GRSF1: variants seen among roughly 807,000 people sequenced by gnomAD.
GRSF1 encodes the protein G-rich RNA sequence binding factor 1, also known as G-rich sequence factor 1.
GRSF1 carries 50 observed loss-of-function variants against 51.1 expected under a neutral mutation model. The observed-to-expected ratio is 0.98, with a 90% CI of 0.78 to 1.24. GRSF1 has a LOEUF of 1.24. Among genes scored for constraint, GRSF1 ranks in the 50% most tolerant of loss-of-function variants. The pLI is 0.00. For synonymous variants in GRSF1, 293 were observed against 253.3 expected, an observed-to-expected ratio of 1.16 and a Z score of -1.49; for missense variants, 700 against 639.7, an observed-to-expected ratio of 1.09 and a Z score of -1.02.
chr4:70,834,885 A>G (rs1285829985), intron 2 of GRSF1, among the ~76,000 whole-genome samples: 4 of 151,998 alleles, frequency 2.6e-5, no homozygotes, highest in African/African-American at 7.2e-5. Flanking sequence ...GGCCTCCCAA[A>G]GTGCTGGGAT....
intron 7 of GRSF1, 192 bp downstream of exon 7, chr4:70,825,932 A>C: frequency 2.1e-6 from 1 of 477,722 alleles, no homozygotes; most frequent in Non-Finnish European, 3.6e-6. Flanking sequence ...ACTCTGTCAC[A>C]AAAAAAAGTA....
intron 9 of GRSF1, among the ~76,000 whole-genome samples, chr4:70,823,190 G>A (rs551709965): frequency 6.6e-6 from 1 of 152,246 alleles, no homozygotes; most frequent in Admixed American, 6.5e-5. Context: ...GAGGTCAGGA[G>A]TTCAAGACCA....
rs1360965253 is a variant in GRSF1, at chr4:70,831,606, C to A, written c.883G>T (p.Val295Leu). ...GCCATTTCTGGTTCTTCAAATTGCA[C>A]ATAGGCTTCCCCTGTTTTTCGCCTC... ...RGRRKTGEAY[V>L]QFEEPEMANQ... The change falls in exon 5 of 10, where the codon GTG becomes TTG. Residue 295 changes from valine to leucine, a missense_variant. Physicochemically the swap from Val to Leu is conservative, Grantham distance 32. Coordinates refer to ENST00000254799, the MANE Select transcript of GRSF1 (RefSeq NM_002092.4). 2 of 1,613,650 alleles carry A rather than the reference C, an allele frequency of 1.2e-6. No individual in the cohort carries two copies. The highest frequency in any genetic ancestry group is 1.7e-6 in the Non-Finnish European group (2 of 1,179,594).
chr4:70,827,806 C>T, intron 6 of GRSF1, 46 bp downstream of exon 6: 2 of 1,343,646 alleles, frequency 1.5e-6, no homozygotes, highest in South Asian at 2.6e-5. Flanking sequence ...AAACCCAAAA[C>T]ATTCAAGATA....
rs776295787 is a variant in GRSF1, at chr4:70,825,394, T to C, written c.1295A>G (p.Glu432Gly). 1 of 1,611,880 alleles carries C rather than the reference T, an allele frequency of 6.2e-7. No individual in the cohort carries two copies. The highest frequency in any genetic ancestry group is 8.5e-7 in the Non-Finnish European group (1 of 1,178,614). ...AGTGGCCTTCCCACTGGAGCTGTATTCCATGGTGATTCTAACAGGCTTGAG... is the reference window on the plus strand; with the variant it reads ...AGTGGCCTTCCCACTGGAGCTGTATCCCATGGTGATTCTAACAGGCTTGAG... ...APLKPVRITM[E>G]YSSSGKATGE... The change falls in exon 8 of 10, where the codon GAA becomes GGA. Residue 432 changes from glutamate (E) to glycine (G), a missense_variant. Glu to Gly is a moderately conservative substitution (Grantham distance 98). Transcript: ENST00000254799.
intron 1 of GRSF1, chr4:70,839,138 GA>G: frequency 7.6e-7 from 1 of 1,315,662 alleles, no homozygotes; most frequent in African/African-American, 1.5e-5. Context: ...AAAGCAAGAA[GA>G]TGCGAGGTGG....
Position 70,827,950 on chromosome 4 carries a change from G to T in GRSF1, c.1037C>A (p.Thr346Asn). ...TTCTGGCTCAGTTATATACTTAGCA[G>T]TAGGAAAAGATGCGATTTTCTTTCC... Reference protein sequence around the residue: ...YKGKKIASFPTAKYITEPEMV... With the variant: ...YKGKKIASFPNAKYITEPEMV... Residue 346 changes from threonine to asparagine, a missense_variant, in exon 6 of 10, where the codon ACT (threonine) becomes AAT (asparagine). Physicochemically the swap from Thr to Asn is moderately conservative, Grantham distance 65. Transcript: ENST00000254799. The T allele has an allele frequency of 6.2e-7, 1 of 1,611,114 alleles. No individual in the cohort carries two copies. The highest frequency in any genetic ancestry group is 1.1e-5 in the South Asian group (1 of 90,960).
chr4:70,832,903 G>A (rs542092654), intron 3 of GRSF1, among the ~76,000 whole-genome samples: 2 of 152,172 alleles, frequency 1.3e-5, no homozygotes, highest in East Asian at 3.9e-4. Context: ...AGCTGAAATC[G>A]CACCACTGCA....
Position 70,820,120 on chromosome 4 carries a change from A to C in GRSF1, c.*767T>G, listed in dbSNP as rs1733445359. The C allele has an allele frequency of 6.6e-6, 1 of 152,282 alleles. No individual in the cohort carries two copies. The highest frequency in any genetic ancestry group is 3.4e-3 in the Middle Eastern group (1 of 294). The allele number at this position is 152,282 out of a possible 1,614,324, so 9.4% of individuals were successfully genotyped here. A position where few individuals can be genotyped will look rare whatever the true frequency, so the allele number is the denominator to read the frequency against. On this transcript the variant is annotated 3_prime_UTR_variant, in exon 10 of 10. Transcript: ENST00000254799. ...TCACTTCACAGTTTTGAGACTAACA[A>C]ACACCCTTAGGTCTACCCCAAACCA...
Position 70,831,616 on chromosome 4 carries a change from C to T in GRSF1, c.873G>A (p.Gly291=). ...VMDYRGRRKT[G]EAYVQFEEPE... is the part of the protein sequence containing the mutation. ...GTTCTTCAAATTGCACATAGGCTTC[C>T]CCTGTTTTTCGCCTCCCTCTATAGT... is the stretch of plus-strand genomic sequence containing the variant. The change falls in exon 5 of 10, where the codon GGG becomes GGA. Residue 291 remains glycine (G), a synonymous_variant. Coordinates refer to ENST00000254799, the MANE Select transcript of GRSF1 (RefSeq NM_002092.4). 2 of 1,613,408 alleles carry T rather than the reference C, an allele frequency of 1.2e-6. No homozygotes were observed. The highest frequency in any genetic ancestry group is 1.7e-6 in the Non-Finnish European group (2 of 1,179,446).
At chr4:70,828,362 T>C (rs1187923529) in intron 5 of GRSF1, among the ~76,000 whole-genome samples, 1 of 152,060 alleles carries the variant, frequency 6.6e-6, no homozygotes, top group Admixed American at 6.6e-5. Context: ...CTCATAAGGG[T>C]TTTTTAAATT....
upstream of GRSF1, among the ~76,000 whole-genome samples, chr4:70,841,055 G>C (rs1263628518): frequency 1.3e-5 from 2 of 152,132 alleles, no homozygotes; most frequent in African/African-American, 4.8e-5. Flanking sequence ...CAGCGCTTTG[G>C]GAGGCTGAAG....
chr4:70,838,219 C>CAA (rs35303311), intron 1 of GRSF1, among the ~76,000 whole-genome samples: 7,866 of 94,174 alleles, frequency 0.084, 776 homozygotes, highest in Middle Eastern at 0.16. Flanking sequence ...ACTCGGTCTC[C>CAA]AAAAAAAAAA....
chr4:70,836,634 G>A (rs567868057), intron 1 of GRSF1, among the ~76,000 whole-genome samples: 2 of 152,230 alleles, frequency 1.3e-5, no homozygotes, highest in Middle Eastern at 3.4e-3. Context: ...ACAAATATTT[G>A]ATTGCCCCTA....
chr4:70,833,974 A>C (rs1372463488), intron 2 of GRSF1, among the ~76,000 whole-genome samples: 1 of 152,162 alleles, frequency 6.6e-6, no homozygotes, highest in Non-Finnish European at 1.5e-5. Flanking sequence ...AAAATTAATG[A>C]AATAGCCAGG....
chr4:70,828,058 C>T (rs770268362), intron 5 of GRSF1, 22 bp from the exon 6 acceptor site: 1 of 1,585,950 alleles, frequency 6.3e-7, no homozygotes, highest in Non-Finnish European at 8.6e-7. Context: ...CAAAAGTAAA[C>T]AGGCACAAAT....
rs935366250 is a variant in GRSF1, at chr4:70,824,366, G to T, written c.1396C>A (p.His466Asn). The change falls in exon 9 of 10, where the codon CAT (histidine) becomes AAT (asparagine). Residue 466 changes from histidine to asparagine, a missense_variant and splice_region_variant. Physicochemically the swap from His to Asn is moderately conservative, Grantham distance 68. Coordinates refer to ENST00000254799, the MANE Select transcript of GRSF1 (RefSeq NM_002092.4). ...AMLKDRSHVH[H>N]RYIELFLNSC... is the part of the protein sequence containing the mutation. ...TTCAGGAACAGTTCAATATACCTAT[G>T]ATCTGAGGATAATGAGAAAGATTAG... 3.5e-6 allele frequency: 5 copies of T among 1,429,444 alleles called. No homozygotes were observed. The African/African-American group carries it at 5.6e-5, about 16-fold the overall frequency. 88.5% of individuals were successfully genotyped at this position (1,429,444 alleles called of 1,614,324 possible).
chr4:70,841,162 G>A (rs563281300), upstream of GRSF1, among the ~76,000 whole-genome samples: 3 of 152,132 alleles, frequency 2.0e-5, no homozygotes, highest in Non-Finnish European at 2.9e-5. Flanking sequence ...GTGTGATGGC[G>A]TGGGCCTGTA....
At chr4:70,824,124 T>A (rs2148836404) in intron 9 of GRSF1, among the ~76,000 whole-genome samples, 170 bp downstream of exon 9, 1 of 151,998 alleles carries the variant, frequency 6.6e-6, no homozygotes, top group South Asian at 2.1e-4. Context: ...GCACCCACCA[T>A]CATGCTCGGT....
Sources: gnomAD v4.1 joint callset for allele counts (sites outside exome capture counted in the v4.1 genomes callset) on GRCh38, gnomAD v4.1.1 for gene constraint, MANE v1.5 for transcripts, NCBI Gene and HGNC (gene_info 2026-07-23, HGNC 2026-07-21) for gene names.